Variants in GPC6 observed in about 807,000 individuals in gnomAD.
GPC6 encodes the protein glypican-6.
Under a neutral mutation model 55.2 loss-of-function variants are expected in GPC6, and 14 were observed. The observed-to-expected ratio is 0.25, with a 90% confidence interval of 0.17 to 0.40. GPC6 has a LOEUF of 0.40. GPC6 is among the 10% of genes least tolerant of loss of function. The probability of loss-of-function intolerance (pLI) is 1.00; values close to 1 mark genes in which losing one functional copy is unlikely to be tolerated. For missense variants in GPC6, 641 were observed against 708.5 expected, an observed-to-expected ratio of 0.90 and a Z score of 1.08; for synonymous variants, 278 against 259.6, an observed-to-expected ratio of 1.07 and a Z score of -0.68.
intron 1 of GPC6, among the ~76,000 whole-genome samples, chr13:93,391,309 G>A (rs906653760): frequency 3.9e-5 from 6 of 152,088 alleles, no homozygotes; most frequent in South Asian, 2.1e-4. Flanking sequence ...TTTCAGGGAC[G>A]TAGTAGAGAG....
chr13:93,424,201 C>A (rs1185717764), intron 1 of GPC6, among the ~76,000 whole-genome samples: 5 of 152,074 alleles, frequency 3.3e-5, no homozygotes, highest in African/African-American at 1.2e-4. Flanking sequence ...ATAGTTGCCA[C>A]GAGGCCCTCA....
At chr13:93,740,742 A>G (rs577344276) in intron 2 of GPC6, among the ~76,000 whole-genome samples, 126 of 152,348 alleles carry the variant, frequency 8.3e-4, no homozygotes, top group African/African-American at 2.9e-3. Context: ...ATTTCAAAGA[A>G]CAATTCTAAA....
intron 2 of GPC6, among the ~76,000 whole-genome samples, chr13:93,660,851 C>T (rs893163641): frequency 7.2e-5 from 11 of 152,116 alleles, no homozygotes; most frequent in Non-Finnish European, 1.3e-4. Context: ...ATTTTTCCTT[C>T]AAAATGATGC....
chr13:93,560,512 C>G (rs1431917581), intron 2 of GPC6, among the ~76,000 whole-genome samples: 1 of 151,456 alleles, frequency 6.6e-6, no homozygotes, highest in Non-Finnish European at 1.5e-5. Context: ...AGAGTGAGAC[C>G]CTGTGTCCAG....
At chr13:93,774,774 A>G (rs184117206) in intron 2 of GPC6, among the ~76,000 whole-genome samples, 1 of 152,306 alleles carries the variant, frequency 6.6e-6, no homozygotes, top group Non-Finnish European at 1.5e-5. Context: ...CAGGGAAAGT[A>G]TCTTCTGTAA....
intron 1 of GPC6, among the ~76,000 whole-genome samples, chr13:93,480,733 T>C (rs1459492708): frequency 6.6e-6 from 1 of 152,002 alleles, no homozygotes; most frequent in East Asian, 1.9e-4. Context: ...TTACTTAGTG[T>C]AGTATGTTCA....
At position 93,985,895 on chromosome 13, in the gene GPC6, G is replaced by C. The variant is rs1020612234; in HGVS notation, c.712-41834G>C. Reference sequence around the variant, plus strand: ...GCTTCTGTTACCAAGAAAGAATGGGGTTAGAAAGTGAGGACAACCGGTTCT... The same window carrying C: ...GCTTCTGTTACCAAGAAAGAATGGGCTTAGAAAGTGAGGACAACCGGTTCT... On this transcript the variant is annotated intron_variant, in intron 3 of 8. Transcript: ENST00000377047. Among the ~76,000 whole-genome samples, 5 of 151,990 alleles carry C rather than the reference G, an allele frequency of 3.3e-5. No individual in the cohort carries two copies. The East Asian group carries it at 9.7e-4, about 29-fold the overall frequency.
intron 4 of GPC6, among the ~76,000 whole-genome samples, chr13:94,164,340 G>T (rs928591912): frequency 6.6e-6 from 1 of 152,008 alleles, no homozygotes; most frequent in African/African-American, 2.4e-5. Context: ...TGTACCCAGC[G>T]AGGTAGATCT....
chr13:94,365,986 C>A (rs1169397513), intron 6 of GPC6, among the ~76,000 whole-genome samples: 3 of 152,096 alleles, frequency 2.0e-5, no homozygotes, highest in African/African-American at 7.2e-5. Flanking sequence ...TTTGCAATGC[C>A]TCCTCCCCCT....
intron 1 of GPC6, among the ~76,000 whole-genome samples, chr13:93,501,861 A>G (rs563484789): frequency 6.6e-6 from 1 of 152,278 alleles, no homozygotes; most frequent in South Asian, 2.1e-4. Context: ...CCATAGTAGT[A>G]GTCTTTTCAC....
intron 1 of GPC6, among the ~76,000 whole-genome samples, chr13:93,288,803 C>T (rs1878221658): frequency 6.6e-6 from 1 of 152,158 alleles, no homozygotes. Context: ...GGCATGGAGG[C>T]TCAGCAATAA....
intron 3 of GPC6, among the ~76,000 whole-genome samples, chr13:93,961,904 C>G (rs1000429486): frequency 1.3e-5 from 2 of 152,018 alleles, no homozygotes; most frequent in Non-Finnish European, 2.9e-5. Context: ...ATCTTTGAGC[C>G]GTCCTAGCCT....
At chr13:94,027,456 C>T (rs571146695) in intron 3 of GPC6, among the ~76,000 whole-genome samples, 37 of 152,210 alleles carry the variant, frequency 2.4e-4, no homozygotes, top group African/African-American at 7.0e-4. Context: ...CTTTCACATG[C>T]ATTATCTCAT....
At chr13:94,332,824 A>C (rs1877495763) in intron 6 of GPC6, among the ~76,000 whole-genome samples, 2 of 152,232 alleles carry the variant, frequency 1.3e-5, no homozygotes, top group Non-Finnish European at 2.9e-5. Flanking sequence ...TGATGTCAGG[A>C]GATTGCAAGA....
At chr13:94,238,559 C>T (rs1890950674) in intron 4 of GPC6, among the ~76,000 whole-genome samples, 1 of 152,136 alleles carries the variant, frequency 6.6e-6, no homozygotes, top group African/African-American at 2.4e-5. Flanking sequence ...ACAGAATTCA[C>T]CTGGAGGACT....
At chr13:93,441,029 A>G (rs1255214362) in intron 1 of GPC6, among the ~76,000 whole-genome samples, 2 of 152,086 alleles carry the variant, frequency 1.3e-5, no homozygotes, top group African/African-American at 4.8e-5. Flanking sequence ...TGAACTCATC[A>G]TTTTTTATGG....
intron 7 of GPC6, among the ~76,000 whole-genome samples, chr13:94,397,229 T>C (rs1487216270): frequency 6.6e-6 from 1 of 151,054 alleles, no homozygotes; most frequent in Non-Finnish European, 1.5e-5. Flanking sequence ...AAATGGGAAA[T>C]GGGAAAATAG....
chr13:93,459,439 TGC>T (rs1252690755), intron 1 of GPC6, among the ~76,000 whole-genome samples: 46 of 152,292 alleles, frequency 3.0e-4, no homozygotes, highest in Admixed American at 1.1e-3. Context: ...GCATTTTTTC[TGC>T]TTATATTTTT....
chr13:93,737,097 T>A (rs975740703), intron 2 of GPC6, among the ~76,000 whole-genome samples: 1 of 152,222 alleles, frequency 6.6e-6, no homozygotes, highest in Non-Finnish European at 1.5e-5. Context: ...TTTATTTTCT[T>A]TCTGCTGTTT....
Sources: gnomAD v4.1 joint callset for allele counts (sites outside exome capture counted in the v4.1 genomes callset) on GRCh38, gnomAD v4.1.1 for gene constraint, MANE v1.5 for transcripts, NCBI Gene and HGNC (gene_info 2026-07-23, HGNC 2026-07-21) for gene names.